ASTN2: variants seen among roughly 807,000 people sequenced by gnomAD.
The protein encoded by ASTN2 is astrotactin 2.
ASTN2 carries 54 observed loss-of-function variants against 139.8 expected under a neutral mutation model. The ratio of observed to expected loss-of-function variants is 0.39; its 90% CI spans 0.31 to 0.48. ASTN2 has a LOEUF of 0.48. Among genes scored for constraint, ASTN2 ranks in the 20% least tolerant of loss-of-function variants. ASTN2 has a pLI of 0.95. For missense variants in ASTN2, 1,565 were observed against 1,725.1 expected (o/e 0.91, Z 1.64); for synonymous variants, 756 against 719.5 (o/e 1.05, Z -0.81).
intron 1 of ASTN2, among the ~76,000 whole-genome samples, chr9:117,327,539 G>A (rs1039606050): frequency 6.6e-6 from 1 of 152,156 alleles, no homozygotes; most frequent in Non-Finnish European, 1.5e-5. Flanking sequence ...GGTCAAGTGT[G>A]CCAAGCAAGG....
At chr9:116,677,307 G>A (rs1232096666) in intron 16 of ASTN2, among the ~76,000 whole-genome samples, 1 of 151,576 alleles carries the variant, frequency 6.6e-6, no homozygotes, top group Non-Finnish European at 1.5e-5. Flanking sequence ...CATAGACCCT[G>A]TTTTGGAAAA....
At chr9:116,607,199 C>T (rs1025624493) in intron 19 of ASTN2, among the ~76,000 whole-genome samples, 2 of 152,122 alleles carry the variant, frequency 1.3e-5, no homozygotes, top group African/African-American at 4.8e-5. Context: ...AATGCAGAGT[C>T]GAAAAGTTAA....
chr9:117,070,112 C>G (rs1828073344), intron 5 of ASTN2, among the ~76,000 whole-genome samples: 1 of 142,082 alleles, frequency 7.0e-6, no homozygotes, highest in Admixed American at 7.1e-5. Flanking sequence ...TCTCGATGGT[C>G]TTTACATTTT....
intron 6 of ASTN2, among the ~76,000 whole-genome samples, chr9:117,024,294 T>A (rs1837985632): frequency 6.6e-6 from 1 of 152,194 alleles, no homozygotes; most frequent in Non-Finnish European, 1.5e-5. Context: ...TTGAAGAGTC[T>A]ACCTCATTGT....
chr9:117,129,977 C>T (rs1829789820), intron 4 of ASTN2, among the ~76,000 whole-genome samples: 1 of 152,066 alleles, frequency 6.6e-6, no homozygotes, highest in Non-Finnish European at 1.5e-5. Context: ...AGAATGATCT[C>T]TGGGAAATAG....
intron 14 of ASTN2, 147 bp downstream of exon 14, chr9:116,733,252 A>G: frequency 1.8e-6 from 2 of 1,115,074 alleles, no homozygotes; most frequent in Non-Finnish European, 2.5e-6. Context: ...AGCCCAAGAA[A>G]GGGTAAGTTC....
chr9:116,731,219 AATAATAAATC>A (rs1828774327), intron 14 of ASTN2, among the ~76,000 whole-genome samples: 1 of 106,468 alleles, frequency 9.4e-6, no homozygotes, highest in Admixed American at 1.1e-4. Context: ...TAATAATAAT[AATAATAAATC>A]TTTTGAAATG....
At chr9:116,562,368 A>T (rs59983726) in intron 19 of ASTN2, 24,089 of 152,016 alleles carry the variant, frequency 0.16, 2,069 homozygotes, top group African/African-American at 0.21. Flanking sequence ...TTAGCATTCC[A>T]CTGGACTAAT....
chr9:117,217,730 C>T (rs1832374206), intron 2 of ASTN2, among the ~76,000 whole-genome samples: 2 of 152,136 alleles, frequency 1.3e-5, no homozygotes, highest in South Asian at 4.2e-4. Context: ...GGTAGGGGCA[C>T]ATAGTATCAT....
chr9:116,715,559 A>T (rs1426603929), intron 16 of ASTN2, among the ~76,000 whole-genome samples: 1 of 151,962 alleles, frequency 6.6e-6, no homozygotes, highest in Non-Finnish European at 1.5e-5. Flanking sequence ...GTCCACCCTC[A>T]GTAGGTTAGG....
At position 116,772,103 on chromosome 9, in the gene ASTN2, A is replaced by G. The variant is rs142733771; in HGVS notation, c.2396+33529T>C. On this transcript the variant is annotated intron_variant, in intron 13 of 22. Transcript: ENST00000313400. ...AATCCTAGGTTCCCAGCAGGACTGA[A>G]AAAGTTGATAAGGAACCCAATTAGA... Among the ~76,000 whole-genome samples the G allele has an allele frequency of 3.2e-3, 491 of 152,344 alleles. 2 individuals carry two copies. Among genetic ancestry groups the G allele is most frequent in the African/African-American group, 0.011 (455 of 41,586 alleles).
In ASTN2 at chr9:117,414,347, C is replaced by A; in HGVS notation, c.442+150G>T. 1 of 1,305,646 alleles carries A rather than the reference C, an allele frequency of 7.7e-7. No homozygotes were observed. Among genetic ancestry groups the A allele is most frequent in the East Asian group, 2.9e-5 (1 of 34,074 alleles). The allele number at this position is 1,305,646 out of a possible 1,614,324, so 80.9% of individuals were successfully genotyped here. On this transcript the variant is annotated intron_variant, in intron 1 of 22. Coordinates refer to ENST00000313400, the MANE Select transcript of ASTN2 (RefSeq NM_001365068.1). This position sits in a 1 kb window ranked among gnomAD's most constrained non-coding sequence, Gnocchi z 4.2. Reference sequence around the variant, plus strand: ...CTCCCACATGCTCGTTTCCAACCACCTGTGCGACCTCTGGGCCCCTCCTCT... The same window carrying A: ...CTCCCACATGCTCGTTTCCAACCACATGTGCGACCTCTGGGCCCCTCCTCT...
chr9:116,935,901 A>G (rs533868419), intron 10 of ASTN2, among the ~76,000 whole-genome samples: 22 of 152,130 alleles, frequency 1.4e-4, no homozygotes, highest in African/African-American at 5.1e-4. Flanking sequence ...CCTTTGAAGT[A>G]AGTACTATTA....
intron 1 of ASTN2, among the ~76,000 whole-genome samples, chr9:117,329,539 G>A (rs1424219856): frequency 6.6e-6 from 1 of 152,144 alleles, no homozygotes; most frequent in Non-Finnish European, 1.5e-5. Flanking sequence ...ACTGGTGGGT[G>A]AAGATGAATT....
At chr9:116,650,790 T>C (rs1857863993) in intron 17 of ASTN2, among the ~76,000 whole-genome samples, 1 of 152,100 alleles carries the variant, frequency 6.6e-6, no homozygotes, top group Non-Finnish European at 1.5e-5. Context: ...AAAAATGACA[T>C]TTGCCACTTT....
intron 14 of ASTN2, among the ~76,000 whole-genome samples, chr9:116,730,113 A>G (rs918393896): frequency 6.6e-6 from 1 of 152,234 alleles, no homozygotes; most frequent in African/African-American, 2.4e-5. Context: ...CTGAACAAAA[A>G]TACATTAAAA....
rs546939521 is a variant in ASTN2, at chr9:116,760,617, C to T, written c.2397-27094G>A. 3.3e-5 allele frequency among the ~76,000 whole-genome samples: 5 copies of T among 152,232 alleles called. No individual in the cohort carries two copies. The South Asian group carries it at 1.0e-3, about 32-fold the overall frequency. ...AAGCAAACCTGGTAGTGTGTGCAGG[C>T]TGGGCCTCTGCTGTTGGTTCCTTTT... On this transcript the variant is annotated intron_variant, in intron 13 of 22. Coordinates refer to ENST00000313400, the MANE Select transcript of ASTN2 (RefSeq NM_001365068.1).
At chr9:116,673,908 G>T (rs60290778) in intron 16 of ASTN2, among the ~76,000 whole-genome samples, 6,224 of 152,262 alleles carry the variant, frequency 0.041, 419 homozygotes, top group African/African-American at 0.14. Context: ...TAGTGAAAGA[G>T]ATCTAACTTA....
intron 17 of ASTN2, among the ~76,000 whole-genome samples, chr9:116,648,937 G>A (rs1857751045): frequency 1.3e-5 from 2 of 152,040 alleles, no homozygotes; most frequent in African/African-American, 4.8e-5. Context: ...AGGAGGCTGA[G>A]GCAGAAGAAT....
Sources: gnomAD v4.1 joint callset for allele counts (sites outside exome capture counted in the v4.1 genomes callset) on GRCh38, gnomAD v4.1.1 for gene constraint, Gnocchi (gnomAD v3.1) non-coding constraint, MANE v1.5 for transcripts, NCBI Gene and HGNC (gene_info 2026-07-23, HGNC 2026-07-21) for gene names.